CENPO: variants seen among roughly 807,000 people sequenced by gnomAD.
The protein encoded by CENPO is centromeric protein O.
In CENPO, 30 loss-of-function variants were observed where a neutral mutation model predicts 36.1. The observed-to-expected ratio is 0.83, with a 90% CI of 0.62 to 1.13. The LOEUF is 1.13. Ranked by LOEUF, CENPO falls within the 50% of genes most tolerant of loss-of-function variation. CENPO has a pLI of 0.00. For missense variants in CENPO, 349 were observed against 357.8 expected (o/e 0.98, Z 0.20); for synonymous variants, 171 against 142.3 (o/e 1.20, Z -1.44).
chr2:24,806,389 G>A (rs575754644), intron 3 of CENPO, among the ~76,000 whole-genome samples: 80 of 152,282 alleles, frequency 5.3e-4, no homozygotes, highest in African/African-American at 1.8e-3. Context: ...TTGGAAATGC[G>A]GAAATCACCC....
chr2:24,811,757 G>A (rs961397476), intron 3 of CENPO, among the ~76,000 whole-genome samples: 1 of 151,898 alleles, frequency 6.6e-6, no homozygotes, highest in South Asian at 2.1e-4. Context: ...CACTGCGCCC[G>A]GCCAATTTTT....
intron 7 of CENPO, among the ~76,000 whole-genome samples, chr2:24,818,574 T>C (rs1363649604): frequency 1.3e-5 from 2 of 152,216 alleles, no homozygotes; most frequent in African/African-American, 4.8e-5. Flanking sequence ...GTTCAGTGTG[T>C]CTCATATTTT....
In CENPO at chr2:24,820,013, G is replaced by A. The variant is rs1177358605; in HGVS notation, c.*695G>A. On this transcript the variant is annotated 3_prime_UTR_variant, in exon 8 of 8. Transcript: ENST00000380834. ...TGGCTAGCTTATCCCGCCCCTTCAAGAAGAAGGTCAGCAGCTCCCCCTTCC... is the reference window on the plus strand; with the variant it reads ...TGGCTAGCTTATCCCGCCCCTTCAAAAAGAAGGTCAGCAGCTCCCCCTTCC... 1 of 1,612,638 alleles carries A rather than the reference G, an allele frequency of 6.2e-7. No homozygotes were observed. Among genetic ancestry groups the A allele is most frequent in the South Asian group, 1.1e-5 (1 of 90,950 alleles).
Position 24,815,892 on chromosome 2 carries a change from T to C in CENPO, c.594+136T>C, listed in dbSNP as rs922623029. The C allele has an allele frequency of 7.1e-5, 58 of 812,902 alleles. No homozygotes were observed. In the South Asian group the frequency reaches 9.6e-4, roughly 13 times the overall value. 50.4% of individuals were successfully genotyped at this position (812,902 alleles called of 1,614,324 possible). A position where few individuals can be genotyped will look rare whatever the true frequency, so the allele number is the denominator to read the frequency against. On this transcript the variant is annotated intron_variant, in intron 5 of 7. Coordinates refer to ENST00000380834, the MANE Select transcript of CENPO (RefSeq NM_001322101.2). ...TTACCTTTCCGATGCTTGTTTCTTA[T>C]TTATATAAAAGCACTATCCCACCCT...
chr2:24,821,675 C>CCG lies in CENPO; in HGVS notation c.*2359_*2360dup, dbSNP rs1198896844. On this transcript the variant is annotated 3_prime_UTR_variant, in exon 8 of 8. Transcript: ENST00000380834. ...GGGACCGTGGAGAAAGTGTCAGGGG[C>CCG]CGCTCACTGCAGCAGCCTGCTCTGC... 1 of 1,609,490 alleles carries CCG rather than the reference C, an allele frequency of 6.2e-7. No individual in the cohort carries two copies. Among genetic ancestry groups the CCG allele is most frequent in the Non-Finnish European group, 8.5e-7 (1 of 1,177,624 alleles).
intron 2 of CENPO, among the ~76,000 whole-genome samples, chr2:24,798,609 C>T (rs1038689320): frequency 6.6e-6 from 1 of 151,772 alleles, no homozygotes; most frequent in South Asian, 2.1e-4. Flanking sequence ...TACAGGTGCC[C>T]GCCACCACAC....
intron 3 of CENPO, among the ~76,000 whole-genome samples, chr2:24,810,951 A>AT (rs1356718557): frequency 0.012 from 1,755 of 145,764 alleles, 38 homozygotes; most frequent in African/African-American, 0.041. Context: ...TATTATTGTT[A>AT]TTTTTTTTTT....
intron 7 of CENPO, among the ~76,000 whole-genome samples, chr2:24,818,277 CCACT>C (rs1166222436): frequency 6.6e-6 from 1 of 152,148 alleles, no homozygotes; most frequent in Non-Finnish European, 1.5e-5. Context: ...ATGTAGCACT[CCACT>C]CAAACTGCAA....
At position 24,816,797 on chromosome 2, in the gene CENPO, A is replaced by G; in HGVS notation, c.746A>G (p.Asp249Gly). 3 of 1,603,862 alleles carry G rather than the reference A, an allele frequency of 1.9e-6. No individual in the cohort carries two copies. Among genetic ancestry groups the G allele is most frequent in the Non-Finnish European group, 2.6e-6 (3 of 1,175,316 alleles). The change falls in exon 6 of 8, where the codon GAC (aspartate) becomes GGC (glycine). Residue 249 changes from aspartate (D) to glycine (G), a missense_variant. Asp to Gly is a moderately conservative substitution (Grantham distance 94). Coordinates refer to ENST00000380834, the MANE Select transcript of CENPO (RefSeq NM_001322101.2). ...YKDLTATLPT[D>G]VTVTCQGVEV... The stretch of plus-strand genomic sequence containing the variant: ...GACCTCACAGCAACTCTTCCCACTG[A>G]CGTCACCGTGACATGTCAAGGTAAG...
intron 3 of CENPO, among the ~76,000 whole-genome samples, chr2:24,803,474 A>AAATTTCCGTCTACACACTGCTTTG (rs1387139402): frequency 6.6e-6 from 1 of 152,124 alleles, no homozygotes; most frequent in Non-Finnish European, 1.5e-5. Flanking sequence ...TTAGTGCTAT[A>AAATTTCCGTCTACACACTGCTTTG]AATTTCCGTC....
At chr2:24,815,237 C>CAAAAAAAAA in intron 4 of CENPO, among the ~76,000 whole-genome samples, 1 of 109,054 alleles carries the variant, frequency 9.2e-6, no homozygotes, top group Non-Finnish European at 1.9e-5. Context: ...AACCCTATCT[C>CAAAAAAAAA]AAAAAAAAAA....
At chr2:24,817,461 C>A (rs1282652010) in intron 6 of CENPO, among the ~76,000 whole-genome samples, 1 of 17,228 alleles carries the variant, frequency 5.8e-5, no homozygotes. Context: ...AGCCTTAGTC[C>A]AGACCAAAAA....
Position 24,820,188 on chromosome 2 carries a change from T to C in CENPO, c.*870T>C. 1 of 1,253,294 alleles carries C rather than the reference T, an allele frequency of 8.0e-7. No homozygotes were observed. The allele number at this position is 1,253,294 out of a possible 1,614,324, so 77.6% of individuals were successfully genotyped here. On this transcript the variant is annotated 3_prime_UTR_variant, in exon 8 of 8. Coordinates refer to ENST00000380834, the MANE Select transcript of CENPO (RefSeq NM_001322101.2). ...ACTGAGGGCGGGTGGGGGCTTTGGG[T>C]GGTTGGAGCCGAGCACTGATCCATG...
intron 7 of CENPO, among the ~76,000 whole-genome samples, chr2:24,818,629 C>T (rs1439587485): frequency 9.1e-6 from 1 of 109,574 alleles, no homozygotes; most frequent in Non-Finnish European, 2.0e-5. Context: ...TAGGAAGTCC[C>T]CTCTGAAAAA....
rs1363875660 is a variant in CENPO, at chr2:24,822,350, C to G, written c.*3032C>G. 1.9e-6 allele frequency: 2 copies of G among 1,060,914 alleles called. No individual in the cohort carries two copies. The highest frequency in any genetic ancestry group is 2.3e-5 in the Admixed American group (1 of 42,882). The allele number at this position is 1,060,914 out of a possible 1,614,324, so 65.7% of individuals were successfully genotyped here. A position where few individuals can be genotyped will look rare whatever the true frequency, so the allele number is the denominator to read the frequency against. ...TCTGTTTCTCTGCTTGCCGAACTTT[C>G]TCAATAAACCCTATTTCTTATTTAT... On this transcript the variant is annotated 3_prime_UTR_variant, in exon 8 of 8. Transcript: ENST00000380834.
At chr2:24,816,051 G>C (rs1666925655) in intron 5 of CENPO, 1 of 392,408 alleles carries the variant, frequency 2.5e-6, no homozygotes, top group Middle Eastern at 7.7e-4. Flanking sequence ...GATCCATCAG[G>C]GATTTATGGC....
intron 2 of CENPO, among the ~76,000 whole-genome samples, chr2:24,794,656 T>C (rs887240494): frequency 6.6e-6 from 1 of 152,228 alleles, no homozygotes; most frequent in South Asian, 2.1e-4. Context: ...ACTTAGTCCT[T>C]AGTCAATCCT....
At chr2:24,818,317 G>A (rs115777501) in intron 7 of CENPO, among the ~76,000 whole-genome samples, 2,375 of 152,034 alleles carry the variant, frequency 0.016, 26 homozygotes, top group Non-Finnish European at 0.027. Flanking sequence ...GAGAAACACT[G>A]ATCTAAATAA....
At chr2:24,816,419 C>T (rs1666940419) in intron 5 of CENPO, 5 of 480,396 alleles carry the variant, frequency 1.0e-5, no homozygotes, top group Non-Finnish European at 1.8e-5. Context: ...CGAAGCTGTA[C>T]CCCTGGCCAT....
Sources: gnomAD v4.1 joint callset for allele counts (sites outside exome capture counted in the v4.1 genomes callset) on GRCh38, gnomAD v4.1.1 for gene constraint, MANE v1.5 for transcripts, NCBI Gene and HGNC (gene_info 2026-07-23, HGNC 2026-07-21) for gene names.